The following ARHGEF10L variants were observed in gnomAD, a reference collection of about 807,000 sequenced individuals.
ARHGEF10L encodes the protein rho guanine nucleotide exchange factor 10-like protein.
In ARHGEF10L, 69 loss-of-function variants were observed where a neutral mutation model predicts 141.2. The observed-to-expected ratio is 0.49, with a 90% CI of 0.40 to 0.60. The LOEUF is 0.60. Among genes scored for constraint, ARHGEF10L ranks in the 20% least tolerant of loss-of-function variants. The pLI, the probability that ARHGEF10L is intolerant of heterozygous loss-of-function variation, is 0.00. For missense variants in ARHGEF10L, 1,482 were observed against 1,734.3 expected (o/e 0.85, Z 2.58); for synonymous variants, 711 against 718.5 (o/e 0.99, Z 0.17).
intron 18 of ARHGEF10L, among the ~76,000 whole-genome samples, chr1:17,636,665 G>A (rs539756029): frequency 6.6e-6 from 1 of 152,116 alleles, no homozygotes; most frequent in African/African-American, 2.4e-5. Context: ...TCCCAAGCTC[G>A]CCATGCTCTT....
At chr1:17,655,259 C>T (rs555767387) in intron 23 of ARHGEF10L, among the ~76,000 whole-genome samples, 1 of 152,302 alleles carries the variant, frequency 6.6e-6, no homozygotes, top group East Asian at 1.9e-4. Context: ...ATCCATCATC[C>T]ATCCATCTAT....
intron 14 of ARHGEF10L, among the ~76,000 whole-genome samples, 194 bp downstream of exon 14, chr1:17,626,242 C>T (rs1212347676): frequency 5.3e-5 from 8 of 152,148 alleles, no homozygotes; most frequent in East Asian, 1.9e-4. Flanking sequence ...TCAGTTTGCA[C>T]GCCCCTCTGT....
At chr1:17,659,976 G>A (rs2062511735) in intron 25 of ARHGEF10L, among the ~76,000 whole-genome samples, 1 of 152,224 alleles carries the variant, frequency 6.6e-6, no homozygotes, top group Non-Finnish European at 1.5e-5. Flanking sequence ...GGGAAACTGA[G>A]GCCAAGAGCA....
At chr1:17,541,169 A>T (rs548679519) in intron 1 of ARHGEF10L, among the ~76,000 whole-genome samples, 317 of 151,794 alleles carry the variant, frequency 2.1e-3, no homozygotes, top group Non-Finnish European at 3.5e-3. Context: ...TTCCCCTTCC[A>T]CCAAAGAGCC....
At chr1:17,652,978 T>C (rs1368468536) in intron 22 of ARHGEF10L, among the ~76,000 whole-genome samples, 1 of 152,200 alleles carries the variant, frequency 6.6e-6, no homozygotes, top group Non-Finnish European at 1.5e-5. Context: ...TGCTCATCCT[T>C]GATGGCTCTG....
chr1:17,533,475 G>A, the ARHGEF10L span, among the ~76,000 whole-genome samples: 1 of 152,102 alleles, frequency 6.6e-6, no homozygotes, highest in Admixed American at 6.6e-5. Flanking sequence ...GGCTTGCTGT[G>A]GTGATTTTGA....
intron 25 of ARHGEF10L, among the ~76,000 whole-genome samples, chr1:17,662,633 G>T (rs776716065): frequency 6.6e-6 from 1 of 152,050 alleles, no homozygotes; most frequent in Non-Finnish European, 1.5e-5. Context: ...AGATGGGAAA[G>T]AGGTGGGGAG....
chr1:17,580,103 C>A (rs2078421068), intron 1 of ARHGEF10L, among the ~76,000 whole-genome samples: 1 of 152,218 alleles, frequency 6.6e-6, no homozygotes, highest in African/African-American at 2.4e-5. Flanking sequence ...CCGGAAGGGA[C>A]TGACAGGAGT....
the ARHGEF10L span, among the ~76,000 whole-genome samples, chr1:17,525,822 G>A: frequency 2.0e-5 from 3 of 151,792 alleles, no homozygotes; most frequent in Non-Finnish European, 4.4e-5. Flanking sequence ...GGCCAACATG[G>A]TAAAACCCCG....
At chr1:17,693,407 CTG>C (rs1347409788) in intron 27 of ARHGEF10L, among the ~76,000 whole-genome samples, 1 of 152,202 alleles carries the variant, frequency 6.6e-6, no homozygotes, top group East Asian at 1.9e-4. Flanking sequence ...GGATGGCACA[CTG>C]TGTTAGGCAA....
In ARHGEF10L at chr1:17,577,858, TTAGA is replaced by T. The variant is rs1178251902; in HGVS notation, c.-43-2690_-43-2687del. On this transcript the variant is annotated intron_variant, in intron 1 of 28. Coordinates refer to ENST00000361221, the MANE Select transcript of ARHGEF10L (RefSeq NM_018125.4). ...TCCGTAAGCTGGGGTGTTACGAGAA[TTAGA>T]TAGAATAATGCTAATAAAGTGTCAG... Among the ~76,000 whole-genome samples the T allele has an allele frequency of 1.2e-4, 19 of 152,294 alleles. No individual in the cohort carries two copies. The East Asian group carries it at 2.7e-3, about 22-fold the overall frequency.
At chr1:17,664,625 T>G in intron 26 of ARHGEF10L, 30 bp downstream of exon 26, 1 of 1,494,448 alleles carries the variant, frequency 6.7e-7, no homozygotes, top group Middle Eastern at 1.8e-4. Context: ...CTTGTGGCCC[T>G]GGAGGCCTGC....
rs149251724 is a variant in ARHGEF10L at position 17,621,629 on chromosome 1, A to G, written c.943-235A>G. Among the ~76,000 whole-genome samples, 130 of 152,286 alleles carry G rather than the reference A, an allele frequency of 8.5e-4. 2 individuals are homozygous for G. The East Asian group carries it at 0.018, about 21-fold the overall frequency. ...CCCATCCCCAGATGTATGTGCACAG[A>G]GGGGCTTTCCCTGGGATGTGCCCTT... On this transcript the variant is annotated intron_variant, in intron 10 of 28. Coordinates refer to ENST00000361221, the MANE Select transcript of ARHGEF10L (RefSeq NM_018125.4). This position sits in a 1 kb window ranked among gnomAD's most constrained non-coding sequence, Gnocchi z 4.1.
At chr1:17,672,418 A>G (rs576033862) in intron 26 of ARHGEF10L, among the ~76,000 whole-genome samples, 1 of 152,220 alleles carries the variant, frequency 6.6e-6, no homozygotes, top group South Asian at 2.1e-4. Context: ...ATGGTATGCA[A>G]ATTGGCGTGA....
intron 18 of ARHGEF10L, among the ~76,000 whole-genome samples, chr1:17,636,978 C>T (rs1002327819): frequency 3.3e-5 from 5 of 152,070 alleles, no homozygotes; most frequent in Admixed American, 6.5e-5. Context: ...CCCATCTCAC[C>T]CTTACTCCAT....
chr1:17,519,926 A>T, the ARHGEF10L span, among the ~76,000 whole-genome samples: 1 of 151,904 alleles, frequency 6.6e-6, no homozygotes, highest in Non-Finnish European at 1.5e-5. Context: ...GGGGATTGGC[A>T]CTTGGATCTT....
chr1:17,671,190 T>TGCAGGGCGGTC (rs1370801202), intron 26 of ARHGEF10L, among the ~76,000 whole-genome samples: 1 of 152,242 alleles, frequency 6.6e-6, no homozygotes, highest in Non-Finnish European at 1.5e-5. Flanking sequence ...GAGCCGCCTG[T>TGCAGGGCGGTC]GCAGGGCGGT....
At chr1:17,609,983 C>T (rs1481894271) in intron 7 of ARHGEF10L, among the ~76,000 whole-genome samples, 2 of 152,212 alleles carry the variant, frequency 1.3e-5, no homozygotes, top group Non-Finnish European at 2.9e-5. Flanking sequence ...GCTCTCGAGT[C>T]CTGGCCCAGC....
chr1:17,686,489 C>T (rs572570915), intron 26 of ARHGEF10L, among the ~76,000 whole-genome samples: 15 of 152,264 alleles, frequency 9.9e-5, no homozygotes, highest in East Asian at 5.8e-4. Context: ...CAGCAGAGCA[C>T]GCCATTCAGA....
Sources: gnomAD v4.1 joint callset for allele counts (sites outside exome capture counted in the v4.1 genomes callset) on GRCh38, gnomAD v4.1.1 for gene constraint, Gnocchi (gnomAD v3.1) non-coding constraint, MANE v1.5 for transcripts, NCBI Gene and HGNC (gene_info 2026-07-23, HGNC 2026-07-21) for gene names.